The following ADORA2B variants were observed in gnomAD, a reference collection of about 807,000 sequenced individuals.
ADORA2B encodes the protein adenosine receptor A2b.
In ADORA2B, 18 loss-of-function variants were observed where a neutral mutation model predicts 20.8. The ratio of observed to expected loss-of-function variants is 0.87; its 90% CI spans 0.60 to 1.29. The LOEUF (loss-of-function observed/expected upper bound fraction) is 1.29, where lower values mean the gene tolerates loss of function less well. Among genes scored for constraint, ADORA2B ranks in the 50% most tolerant of loss-of-function variants. The pLI, the probability that ADORA2B is intolerant of heterozygous loss-of-function variation, is 0.00. For synonymous variants in ADORA2B, 179 were observed against 178.3 expected, an observed-to-expected ratio of 1.00 and a Z score of -0.03; for missense variants, 441 against 422.7, an observed-to-expected ratio of 1.04 and a Z score of -0.38.
At chr17:15,905,779 C>A in the ADORA2B span, among the ~76,000 whole-genome samples, 2 of 152,124 alleles carry the variant, frequency 1.3e-5, no homozygotes, top group African/African-American at 2.4e-5. Flanking sequence ...CCTCAGCCTC[C>A]TGAGTAGCTG....
In ADORA2B at chr17:15,974,950, A is replaced by AT. The variant is rs1970233445; in HGVS notation, c.609dup (p.Lys204Ter). ...ACTGCTTATAATGCTGGTGATCTAC[A>AT]TTAAGATCTTCCTGGTGGCCTGCAG... On this transcript the variant is annotated frameshift_variant, in exon 2 of 2. Coordinates refer to ENST00000304222, the MANE Select transcript of ADORA2B (RefSeq NM_000676.4). LOFTEE classifies it high-confidence loss of function. 6.2e-7 allele frequency: 1 copy of AT among 1,613,998 alleles called. No individual in the cohort carries two copies. The highest frequency in any genetic ancestry group is 1.7e-5 in the Admixed American group (1 of 59,990).
chr17:15,910,536 T>G, the ADORA2B span, among the ~76,000 whole-genome samples: 2 of 152,142 alleles, frequency 1.3e-5, no homozygotes, highest in African/African-American at 4.8e-5. Context: ...TGACCTTAGG[T>G]GATTCACCCG....
chr17:15,960,068 G>A (rs1267922595), intron 1 of ADORA2B, among the ~76,000 whole-genome samples: 1 of 151,946 alleles, frequency 6.6e-6, no homozygotes, highest in Non-Finnish European at 1.5e-5. Flanking sequence ...AGAAGTTCAA[G>A]ACCAGCCTGG....
intron 1 of ADORA2B, among the ~76,000 whole-genome samples, chr17:15,970,785 A>T (rs1970181511): frequency 6.6e-6 from 1 of 152,100 alleles, no homozygotes; most frequent in South Asian, 2.1e-4. Context: ...GTCATCAAGG[A>T]CCCAGGCTCT....
upstream of ADORA2B, among the ~76,000 whole-genome samples, chr17:15,942,670 C>T (rs1969754839): frequency 6.6e-6 from 1 of 152,182 alleles, no homozygotes; most frequent in South Asian, 2.1e-4. Context: ...CAGCCAGACA[C>T]CGTTCGCCTC....
At chr17:15,955,161 A>G (rs1009257928) in intron 1 of ADORA2B, among the ~76,000 whole-genome samples, 1 of 152,128 alleles carries the variant, frequency 6.6e-6, no homozygotes, top group African/African-American at 2.4e-5. Context: ...TTTTTTTTCA[A>G]CCAAACACAG....
the ADORA2B span, among the ~76,000 whole-genome samples, chr17:15,916,597 A>G: frequency 6.6e-6 from 1 of 152,216 alleles, no homozygotes; most frequent in African/African-American, 2.4e-5. Context: ...GGATTTTCAC[A>G]GTGCTTTTCT....
chr17:15,929,772 A>G, the ADORA2B span, among the ~76,000 whole-genome samples: 1 of 152,342 alleles, frequency 6.6e-6, no homozygotes, highest in Non-Finnish European at 1.5e-5. Context: ...AGACACAGAA[A>G]GACAAATCCT....
intron 1 of ADORA2B, among the ~76,000 whole-genome samples, chr17:15,964,822 G>A (rs897577343): frequency 2.6e-5 from 4 of 151,888 alleles, no homozygotes; most frequent in South Asian, 2.1e-4. Flanking sequence ...AGCACTTTGG[G>A]AGGCCAAGGT....
At chr17:15,857,035 G>A in the ADORA2B span, among the ~76,000 whole-genome samples, 1 of 152,216 alleles carries the variant, frequency 6.6e-6, no homozygotes, top group Non-Finnish European at 1.5e-5. Context: ...GTTAAAAATG[G>A]TTTTGTGGCC....
At chr17:15,931,096 C>T in the ADORA2B span, among the ~76,000 whole-genome samples, 4,440 of 152,244 alleles carry the variant, frequency 0.029, 210 homozygotes, top group African/African-American at 0.1. Context: ...ACAGGAGGAT[C>T]GCTTGAGCCC....
the ADORA2B span, among the ~76,000 whole-genome samples, chr17:15,900,011 TA>T: frequency 1.2e-4 from 18 of 152,020 alleles, no homozygotes; most frequent in African/African-American, 3.4e-4. Context: ...TTTATATTTT[TA>T]GTTGAGACAG....
At chr17:15,862,697 C>G in the ADORA2B span, among the ~76,000 whole-genome samples, 5 of 152,028 alleles carry the variant, frequency 3.3e-5, no homozygotes, top group African/African-American at 1.2e-4. Flanking sequence ...GTGCAACACA[C>G]ATAACATTTC....
chr17:15,892,650 CTTTCT>C, the ADORA2B span, among the ~76,000 whole-genome samples: 12,447 of 150,352 alleles, frequency 0.083, 1,377 homozygotes, highest in African/African-American at 0.26. Flanking sequence ...TTTTTTCTTT[CTTTCT>C]TTTTTTTTTT....
chr17:15,934,267 C>CACCCAGGTT, the ADORA2B span, among the ~76,000 whole-genome samples: 2 of 152,104 alleles, frequency 1.3e-5, no homozygotes, highest in African/African-American at 4.8e-5. Flanking sequence ...CTGGCTCTGT[C>CACCCAGGTT]ACCCAGGTTG....
the ADORA2B span, among the ~76,000 whole-genome samples, chr17:15,925,311 C>T: frequency 1.3e-5 from 2 of 152,126 alleles, no homozygotes; most frequent in Non-Finnish European, 2.9e-5. Flanking sequence ...GCTGGAATTA[C>T]AGGCGTGAGC....
chr17:15,905,616 A>G, the ADORA2B span, among the ~76,000 whole-genome samples: 1 of 151,424 alleles, frequency 6.6e-6, no homozygotes, highest in Non-Finnish European at 1.5e-5. Flanking sequence ...TCCTGACCTC[A>G]TGATCTGCCC....
intron 1 of ADORA2B, among the ~76,000 whole-genome samples, chr17:15,954,151 G>A (rs1227116344): frequency 6.6e-6 from 1 of 151,910 alleles, no homozygotes; most frequent in Non-Finnish European, 1.5e-5. Context: ...GCTAACTTTT[G>A]TATTTTTAGT....
At position 15,945,512 on chromosome 17, in the gene ADORA2B, C is replaced by T; in HGVS notation, c.264C>T (p.Leu88=). The change falls in exon 1 of 2, where the codon CTC becomes CTT. Residue 88 remains leucine, a synonymous_variant. Coordinates refer to ENST00000304222, the MANE Select transcript of ADORA2B (RefSeq NM_000676.4). ...TCCTCGCCTGCTTCGTGCTGGTGCT[C>T]ACGCAGAGCTCCATCTTCAGCCTTC... The part of the protein sequence containing the change: ...CLFLACFVLV[L]TQSSIFSLLA... The T allele has an allele frequency of 1.2e-6, 2 of 1,608,856 alleles. No homozygotes were observed. The highest frequency in any genetic ancestry group is 1.1e-5 in the South Asian group (1 of 90,528).
Sources: allele counts gnomAD v4.1 joint callset (sites outside exome capture counted in the v4.1 genomes callset), GRCh38; gene constraint gnomAD v4.1.1; transcripts MANE v1.5; gene names NCBI Gene and HGNC (gene_info 2026-07-23, HGNC 2026-07-21).